Variants in FBN3 observed in about 807,000 individuals in gnomAD.
FBN3 encodes fibrillin 3, also known as fibrillin-3.
In FBN3, 234 loss-of-function variants were observed where a neutral mutation model predicts 330.1. The ratio of observed to expected loss-of-function variants is 0.71; its 90% confidence interval spans 0.64 to 0.79. The LOEUF (loss-of-function observed/expected upper bound fraction) is 0.79. Ranked by LOEUF, FBN3 falls within the 30% of genes least tolerant of loss-of-function variation. FBN3 has a pLI of 0.00. For missense variants in FBN3, 3,606 were observed against 3,886.9 expected, an observed-to-expected ratio of 0.93 and a Z score of 1.92; for synonymous variants, 1,458 against 1,517.3, an observed-to-expected ratio of 0.96 and a Z score of 0.91.
rs562555116 is a variant in FBN3, at chr19:8,129,496, C to G, written c.2045-131G>C. ...CAAGGCCATAGCTCCAGCCCAGACC[C>G]GGCCTCATTCTGCTCTAAACCGAGG... On this transcript the variant is annotated intron_variant, in intron 16 of 63. Coordinates refer to ENST00000600128, the MANE Select transcript of FBN3 (RefSeq NM_032447.5). This position sits in a 1 kb window ranked among gnomAD's most constrained non-coding sequence, Gnocchi z 4.5. 2.5e-6 allele frequency: 3 copies of G among 1,184,098 alleles called. No homozygotes were observed. Among genetic ancestry groups the G allele is most frequent in the Middle Eastern group, 2.9e-4 (1 of 3,504 alleles). The allele number at this position is 1,184,098 out of a possible 1,614,324, so 73.3% of individuals were successfully genotyped here. A position where few individuals can be genotyped will look rare whatever the true frequency, so the allele number is the denominator to read the frequency against.
In FBN3 at chr19:8,096,581, G is replaced by C; in HGVS notation, c.5414-12C>G. ...ACACTCATTCCGTCCTGGGGGTGCAGAGAGCATGGTGTTCCCAGGGCTCCT... is the reference window on the plus strand; with the variant it reads ...ACACTCATTCCGTCCTGGGGGTGCACAGAGCATGGTGTTCCCAGGGCTCCT... On this transcript the variant is annotated splice_polypyrimidine_tract_variant and intron_variant, in intron 43 of 63. Transcript: ENST00000600128. The surrounding 1 kb of genome is among the most constrained non-coding windows in gnomAD (Gnocchi z 4.6). 1.2e-6 allele frequency: 2 copies of C among 1,605,496 alleles called. No homozygotes were observed. The highest frequency in any genetic ancestry group is 1.7e-6 in the Non-Finnish European group (2 of 1,176,554).
chr19:8,139,857 T>G (rs1035477974), intron 8 of FBN3, among the ~76,000 whole-genome samples: 15 of 151,876 alleles, frequency 9.9e-5, no homozygotes, highest in African/African-American at 3.6e-4. Flanking sequence ...TCCCAGCAGC[T>G]GGGAGGGCCA....
intron 57 of FBN3, 83 bp from the exon 58 acceptor site, chr19:8,081,563 C>A (rs985922383): frequency 7.1e-7 from 1 of 1,403,166 alleles, no homozygotes; most frequent in Non-Finnish European, 9.6e-7. Flanking sequence ...CTCCACCAGA[C>A]CCCGACCATC....
chr19:8,127,059 G>GTTTTT (rs869282535), intron 18 of FBN3, among the ~76,000 whole-genome samples: 1 of 103,888 alleles, frequency 9.6e-6, no homozygotes. Context: ...TTTTTTTTTT[G>GTTTTT]TTTTTTTTTT....
intron 24 of FBN3, among the ~76,000 whole-genome samples, chr19:8,123,072 C>T (rs531834209): frequency 6.6e-6 from 1 of 151,848 alleles, no homozygotes; most frequent in Non-Finnish European, 1.5e-5. Flanking sequence ...AACAGGTGTT[C>T]GCCAGGCACA....
At chr19:8,104,055 G>C (rs1383911203) in intron 38 of FBN3, among the ~76,000 whole-genome samples, 1 of 150,956 alleles carries the variant, frequency 6.6e-6, no homozygotes, top group Non-Finnish European at 1.5e-5. Context: ...AGTCCAGGAG[G>C]TTAAGGTTGC....
intron 34 of FBN3, among the ~76,000 whole-genome samples, chr19:8,110,107 G>C (rs765906653): frequency 2.0e-5 from 3 of 152,218 alleles, no homozygotes; most frequent in Non-Finnish European, 4.4e-5. Flanking sequence ...CCAGGCTGGA[G>C]TGCAGTTGCA....
chr19:8,083,904 G>A lies in FBN3; in HGVS notation c.7088-532C>T, dbSNP rs181385022. ...TGCAAGCTCCGCCTCCCGGGTTCAC[G>A]CCATTCTCCTGCCTCAGCCTCCCAA... On this transcript the variant is annotated intron_variant, in intron 56 of 63. Transcript: ENST00000600128. Among the ~76,000 whole-genome samples, 236 of 150,396 alleles carry A rather than the reference G, an allele frequency of 1.6e-3. 3 individuals are homozygous for A. The highest frequency in any genetic ancestry group is 5.1e-3 in the African/African-American group (210 of 41,008).
At chr19:8,122,391 C>T (rs1383907199) in intron 24 of FBN3, among the ~76,000 whole-genome samples, 2 of 151,974 alleles carry the variant, frequency 1.3e-5, no homozygotes, top group Non-Finnish European at 2.9e-5. Context: ...ATTTGAGACA[C>T]AGTCTCGTTC....
At position 8,089,533 on chromosome 19, in the gene FBN3, C is replaced by T; in HGVS notation, c.6376+12G>A. 6.2e-7 allele frequency: 1 copy of T among 1,613,794 alleles called. No homozygotes were observed. The highest frequency in any genetic ancestry group is 8.5e-7 in the Non-Finnish European group (1 of 1,179,818). On this transcript the variant is annotated intron_variant, in intron 51 of 63. Transcript: ENST00000600128. ...GGCCTGGGACAGAGCTGGGGAAGGG[C>T]TGGCCACTCACCCACACAGTTGATG... is the stretch of plus-strand genomic sequence containing the variant.
At chr19:8,072,966 CGTGTGT>C (rs60155490) in intron 62 of FBN3, 91 bp downstream of exon 62, 116,534 of 643,164 alleles carry the variant, frequency 0.18, 3,469 homozygotes, top group Non-Finnish European at 0.2. Context: ...CACAAAGCCC[CGTGTGT>C]GTGTGTGTGT....
intron 22 of FBN3, among the ~76,000 whole-genome samples, chr19:8,124,936 C>T (rs1167808194): frequency 6.6e-6 from 1 of 152,216 alleles, no homozygotes; most frequent in Non-Finnish European, 1.5e-5. Flanking sequence ...TCCAATACAC[C>T]AAGGGTAAAC....
intron 29 of FBN3, 77 bp downstream of exon 29, chr19:8,116,597 A>C (rs2082709711): frequency 6.7e-7 from 1 of 1,488,782 alleles, no homozygotes; most frequent in Non-Finnish European, 9.3e-7. Flanking sequence ...CCTATGTGCC[A>C]CCTTGTGGAA....
At chr19:8,087,305 G>A (rs999629745) in intron 53 of FBN3, 94 bp from the exon 54 acceptor site, 1 of 1,358,248 alleles carries the variant, frequency 7.4e-7, no homozygotes, top group African/African-American at 1.5e-5. Flanking sequence ...TGTGGGACCT[G>A]AGTGAGTTCC....
At chr19:8,094,390 T>A (rs1003477046) in intron 47 of FBN3, 56 bp downstream of exon 47, 1 of 1,558,548 alleles carries the variant, frequency 6.4e-7, no homozygotes, top group African/African-American at 1.4e-5. Context: ...ATTTTATGGA[T>A]GGAGAAAGAG....
rs765146003 is a variant in FBN3 at position 8,136,213 on chromosome 19, G to A, written c.1442C>T (p.Thr481Met). ...HCRCYPGFQA[T>M]PTRQACVDVD... Reference sequence around the variant, plus strand: ...ACCCACGCATGCCTGCCTGGTGGGCGTGGCCTGGAAGCCCGGGTAGCACCG... The same window carrying A: ...ACCCACGCATGCCTGCCTGGTGGGCATGGCCTGGAAGCCCGGGTAGCACCG... Residue 481 changes from threonine to methionine, a missense_variant, in exon 12 of 64, where the codon ACG (threonine) becomes ATG (methionine). Transcript: ENST00000600128. The A allele has an allele frequency of 1.4e-5, 22 of 1,612,970 alleles. No individual in the cohort carries two copies. The highest frequency in any genetic ancestry group is 1.6e-4 in the Middle Eastern group (1 of 6,082).
At chr19:8,134,257 A>AT (rs1568446460) in intron 13 of FBN3, among the ~76,000 whole-genome samples, 1 of 151,510 alleles carries the variant, frequency 6.6e-6, no homozygotes, top group Non-Finnish European at 1.5e-5. Context: ...AAATAAATAA[A>AT]TAAAATAAAT....
chr19:8,146,960 G>C (rs945797320), intron 3 of FBN3, 144 bp downstream of exon 3: 5 of 721,186 alleles, frequency 6.9e-6, no homozygotes, highest in African/African-American at 3.5e-5. Flanking sequence ...GGAACCCTGA[G>C]GACAGACGCA....
At chr19:8,127,449 G>C (rs1287910044) in intron 18 of FBN3, among the ~76,000 whole-genome samples, 1 of 152,140 alleles carries the variant, frequency 6.6e-6, no homozygotes, top group Non-Finnish European at 1.5e-5. Context: ...CTTTTGCCAA[G>C]CTGCCCAATT....
Sources: allele counts gnomAD v4.1 joint callset (sites outside exome capture counted in the v4.1 genomes callset), GRCh38; gene constraint gnomAD v4.1.1; non-coding constraint Gnocchi (gnomAD v3.1); transcripts MANE v1.5; gene names NCBI Gene and HGNC (gene_info 2026-07-23, HGNC 2026-07-21).